The following PTPN2 variants were observed in gnomAD, a reference collection of about 807,000 sequenced individuals.
The protein encoded by PTPN2 is protein tyrosine phosphatase non-receptor type 2.
Under a neutral mutation model 57.3 loss-of-function variants are expected in PTPN2, and 19 were observed. The ratio of observed to expected loss-of-function variants is 0.33; its 90% CI spans 0.23 to 0.49. PTPN2 has a LOEUF of 0.49. Ranked by LOEUF, PTPN2 falls within the 20% of genes least tolerant of loss-of-function variation. PTPN2 has a pLI of 0.99. For missense variants in PTPN2, 358 were observed against 501.1 expected (o/e 0.71, Z 2.73); for synonymous variants, 153 against 164.9 (o/e 0.93, Z 0.55).
rs558261891 is a variant in PTPN2, at chr18:12,860,364, C to T, written c.70-1110G>A. Among the ~76,000 whole-genome samples the T allele has an allele frequency of 1.3e-4, 20 of 151,634 alleles. 1 individual carries two copies. The highest frequency in any genetic ancestry group is 2.9e-5 in the Non-Finnish European group (2 of 67,872). On this transcript the variant is annotated intron_variant, in intron 1 of 8. Transcript: ENST00000309660. ...CTGTAATCCCAGCACTTTGGGAGGC[C>T]GAGGTGGGTGGATCACGAGGTCAGG...
intron 2 of PTPN2, among the ~76,000 whole-genome samples, chr18:12,858,201 C>G (rs1052420469): frequency 6.6e-6 from 1 of 152,098 alleles, no homozygotes; most frequent in Non-Finnish European, 1.5e-5. Context: ...AACAGGCGAA[C>G]AATCAGTAAC....
chr18:12,861,248 G>C (rs1396318166), intron 1 of PTPN2, among the ~76,000 whole-genome samples: 1 of 152,206 alleles, frequency 6.6e-6, no homozygotes, highest in Admixed American at 6.5e-5. Context: ...CAAGATATAA[G>C]ACACTGTTAT....
chr18:12,837,641 A>G (rs2042912374), intron 2 of PTPN2, among the ~76,000 whole-genome samples: 1 of 152,230 alleles, frequency 6.6e-6, no homozygotes, highest in South Asian at 2.1e-4. Context: ...TCCTCAACAC[A>G]CAACTGCCGG....
At chr18:12,798,439 G>A (rs1021075747) in intron 8 of PTPN2, among the ~76,000 whole-genome samples, 3 of 151,946 alleles carry the variant, frequency 2.0e-5, no homozygotes, top group African/African-American at 7.3e-5. Flanking sequence ...GGCCCCCAGT[G>A]TTGTTCCCCT....
chr18:12,813,021 TAAA>T (rs35939490), intron 7 of PTPN2, among the ~76,000 whole-genome samples: 1 of 147,096 alleles, frequency 6.8e-6, no homozygotes. Context: ...ACACAAAACT[TAAA>T]AAAAAAAAAA....
chr18:12,835,382 C>CTTTTTTTTT (rs60239177), intron 3 of PTPN2, among the ~76,000 whole-genome samples: 30,461 of 98,264 alleles, frequency 0.31, 5,854 homozygotes, highest in Middle Eastern at 0.44. Context: ...TCACATATGT[C>CTTTTTTTTT]TTTTTTTTTT....
intron 1 of PTPN2, among the ~76,000 whole-genome samples, chr18:12,877,180 T>C (rs1409315923): frequency 1.3e-5 from 2 of 152,088 alleles, no homozygotes; most frequent in East Asian, 3.8e-4. Context: ...GAATATTTAC[T>C]GAGCATCTAA....
chr18:12,862,807 C>CAGAAA (rs960307810), intron 1 of PTPN2: 8 of 152,128 alleles, frequency 5.3e-5, no homozygotes, highest in African/African-American at 1.9e-4. Context: ...GCCACAGTAA[C>CAGAAA]AGCCCTTAAG....
At chr18:12,870,413 A>ATG (rs1285649715) in intron 1 of PTPN2, among the ~76,000 whole-genome samples, 7 of 79,202 alleles carry the variant, frequency 8.8e-5, no homozygotes, top group Non-Finnish European at 1.3e-4. Context: ...ACGTATATAT[A>ATG]TGTATATATA....
At chr18:12,866,437 A>AAAAACAAAACAAAAC (rs200227789) in intron 1 of PTPN2, among the ~76,000 whole-genome samples, 271 of 148,400 alleles carry the variant, frequency 1.8e-3, no homozygotes, top group Non-Finnish European at 2.5e-3. Flanking sequence ...GACTCCTCTC[A>AAAAACAAAACAAAAC]AAAACAAAAC....
At chr18:12,832,699 A>T (rs2042712235) in intron 3 of PTPN2, among the ~76,000 whole-genome samples, 1 of 152,236 alleles carries the variant, frequency 6.6e-6, no homozygotes, top group Non-Finnish European at 1.5e-5. Context: ...GGAAAAAAAA[A>T]ATGGATGTAG....
chr18:12,873,432 TGC>T (rs2044343190), intron 1 of PTPN2, among the ~76,000 whole-genome samples: 1 of 151,994 alleles, frequency 6.6e-6, no homozygotes, highest in Non-Finnish European at 1.5e-5. Flanking sequence ...CGAGTGCAGG[TGC>T]GCGCCGCCAT....
downstream of PTPN2, among the ~76,000 whole-genome samples, chr18:12,788,830 T>C (rs1435921250): frequency 6.6e-6 from 1 of 152,146 alleles, no homozygotes; most frequent in Non-Finnish European, 1.5e-5. Flanking sequence ...ATGTACAGCA[T>C]TGCTCAATGC....
chr18:12,795,714 C>T (rs972175623), intron 8 of PTPN2, among the ~76,000 whole-genome samples: 1 of 152,132 alleles, frequency 6.6e-6, no homozygotes, highest in Non-Finnish European at 1.5e-5. Context: ...AATTCAAGTC[C>T]AGCTTGTGCA....
At chr18:12,870,506 T>G (rs1414592308) in intron 1 of PTPN2, among the ~76,000 whole-genome samples, 2 of 57,698 alleles carry the variant, frequency 3.5e-5, no homozygotes, top group Non-Finnish European at 5.8e-5. Flanking sequence ...GAGAAAAGCG[T>G]GTTGTTTTTT....
At chr18:12,789,790 A>T (rs1406405739), downstream of PTPN2, among the ~76,000 whole-genome samples, 3 of 152,174 alleles carry the variant, frequency 2.0e-5, no homozygotes, top group African/African-American at 7.2e-5. Context: ...CTACATTTTT[A>T]AAAAACATAT....
At chr18:12,798,647 G>A (rs2041283890) in intron 8 of PTPN2, among the ~76,000 whole-genome samples, 1 of 152,148 alleles carries the variant, frequency 6.6e-6, no homozygotes, top group Non-Finnish European at 1.5e-5. Context: ...TCTTTATGCA[G>A]TCTATCATTG....
At chr18:12,808,660 A>G (rs922287345) in intron 7 of PTPN2, among the ~76,000 whole-genome samples, 11 of 152,202 alleles carry the variant, frequency 7.2e-5, no homozygotes, top group Non-Finnish European at 1.6e-4. Flanking sequence ...ACACGCCTAT[A>G]GTCCCAGCTA....
intron 5 of PTPN2, chr18:12,819,218 A>G: frequency 1.4e-6 from 2 of 1,415,000 alleles, no homozygotes; most frequent in African/African-American, 1.4e-5. Context: ...ACATACTTTT[A>G]GTGACCTTTT....
Sources: allele counts gnomAD v4.1 joint callset (sites outside exome capture counted in the v4.1 genomes callset), GRCh38; gene constraint gnomAD v4.1.1; transcripts MANE v1.5; gene names NCBI Gene and HGNC (gene_info 2026-07-23, HGNC 2026-07-21).